The following EPHA6 variants were observed in gnomAD, a reference collection of about 807,000 sequenced individuals.
The protein encoded by EPHA6 is ephrin type-A receptor 6.
Under a neutral mutation model 112.0 loss-of-function variants are expected in EPHA6, and 50 were observed. The observed-to-expected ratio is 0.45, with a 90% CI of 0.36 to 0.56. EPHA6 has a LOEUF of 0.56. Among genes scored for constraint, EPHA6 ranks in the 20% least tolerant of loss-of-function variants. EPHA6 has a pLI of 0.00. For synonymous variants in EPHA6, 529 were observed against 490.7 expected (o/e 1.08, Z -1.03); for missense variants, 1,280 against 1,417.4 (o/e 0.90, Z 1.56).
chr3:97,626,342 G>A (rs1403351429), intron 13 of EPHA6, among the ~76,000 whole-genome samples: 1 of 151,802 alleles, frequency 6.6e-6, no homozygotes, highest in African/African-American at 2.4e-5. Flanking sequence ...AGCTGATGCT[G>A]AAGAACATAA....
chr3:97,556,865 C>T (rs542246091), intron 11 of EPHA6, among the ~76,000 whole-genome samples: 26 of 152,006 alleles, frequency 1.7e-4, no homozygotes, highest in African/African-American at 2.9e-4. Context: ...TTAAATAAAA[C>T]GATTATTTCT....
At chr3:97,219,410 C>T (rs977616852) in intron 3 of EPHA6, among the ~76,000 whole-genome samples, 1 of 152,144 alleles carries the variant, frequency 6.6e-6, no homozygotes, top group African/African-American at 2.4e-5. Flanking sequence ...TCCATACATC[C>T]TCTGAAATCT....
chr3:96,881,346 G>A (rs981277194), intron 2 of EPHA6, among the ~76,000 whole-genome samples: 5 of 152,170 alleles, frequency 3.3e-5, no homozygotes, highest in African/African-American at 1.2e-4. Flanking sequence ...TCACATTCAT[G>A]GTGGAAGATG....
At chr3:96,852,779 G>T (rs1169872076) in intron 1 of EPHA6, among the ~76,000 whole-genome samples, 1 of 152,004 alleles carries the variant, frequency 6.6e-6, no homozygotes, top group Admixed American at 6.6e-5. Flanking sequence ...GCATCTGTTG[G>T]TGTTTCTCAC....
intron 1 of EPHA6, among the ~76,000 whole-genome samples, chr3:96,827,685 C>A (rs1228519322): frequency 1.5e-4 from 23 of 152,084 alleles, no homozygotes; most frequent in Admixed American, 1.5e-3. Context: ...GGATTTTCAT[C>A]TCAGCCTTAT....
intron 14 of EPHA6, among the ~76,000 whole-genome samples, chr3:97,663,628 T>C (rs2094185264): frequency 6.6e-6 from 1 of 152,116 alleles, no homozygotes; most frequent in Admixed American, 6.5e-5. Context: ...AATGATGGTT[T>C]CCAGCTTCAT....
At chr3:97,107,182 A>C (rs1209592416) in intron 3 of EPHA6, among the ~76,000 whole-genome samples, 1 of 152,236 alleles carries the variant, frequency 6.6e-6, no homozygotes, top group Non-Finnish European at 1.5e-5. Flanking sequence ...AATGTAATTT[A>C]CTTTGTAATT....
At chr3:97,595,038 AAT>A (rs2093575919) in intron 12 of EPHA6, among the ~76,000 whole-genome samples, 1 of 152,184 alleles carries the variant, frequency 6.6e-6, no homozygotes, top group South Asian at 2.1e-4. Context: ...TCTTATATAT[AAT>A]AGTTTGTGCT....
intron 5 of EPHA6, among the ~76,000 whole-genome samples, chr3:97,312,900 C>T (rs1041365438): frequency 6.6e-6 from 1 of 151,412 alleles, no homozygotes. Flanking sequence ...ATCTCACCAA[C>T]TTATTTCCTT....
rs148697313 is a variant in EPHA6 at position 97,510,799 on chromosome 3, T to C, written c.2201-21559T>C. 6.5e-3 allele frequency among the ~76,000 whole-genome samples: 994 copies of C among 152,308 alleles called. 12 individuals are homozygous for C. Among genetic ancestry groups the C allele is most frequent in the African/African-American group, 0.022 (915 of 41,578 alleles). Reference sequence around the variant, plus strand: ...AAGCTGCACCCATAGCTGCCCCTTCTCCCAGGTGCTCTGTCCCAGGGAGAT... The same window carrying C: ...AAGCTGCACCCATAGCTGCCCCTTCCCCCAGGTGCTCTGTCCCAGGGAGAT... On this transcript the variant is annotated intron_variant, in intron 10 of 17. Coordinates refer to ENST00000389672, the MANE Select transcript of EPHA6 (RefSeq NM_001080448.3).
rs576161007 is a variant in EPHA6, at chr3:97,657,175, C to A, written c.2784+19093C>A. Among the ~76,000 whole-genome samples the A allele has an allele frequency of 4.0e-5, 6 of 151,792 alleles. No homozygotes were observed. In the East Asian group the frequency reaches 1.2e-3, roughly 30 times the overall value. ...TAAAAGTAAACTTTTTAAGAGAAGT[C>A]AACATTTTAAATTTGTGTTTATAGC... On this transcript the variant is annotated intron_variant, in intron 14 of 17. Coordinates refer to ENST00000389672, the MANE Select transcript of EPHA6 (RefSeq NM_001080448.3).
intron 2 of EPHA6, among the ~76,000 whole-genome samples, chr3:96,880,127 A>G (rs550615240): frequency 3.0e-4 from 45 of 152,184 alleles, no homozygotes; most frequent in Non-Finnish European, 5.6e-4. Flanking sequence ...AAAAATAACT[A>G]TAAGAGAGAA....
At chr3:97,677,684 G>A (rs2031513073) in intron 14 of EPHA6, among the ~76,000 whole-genome samples, 2 of 142,222 alleles carry the variant, frequency 1.4e-5, no homozygotes, top group African/African-American at 2.6e-5. Context: ...CTGCGCCATT[G>A]CACTCCAGCC....
chr3:97,311,666 C>T (rs1034757797), intron 5 of EPHA6, among the ~76,000 whole-genome samples: 1 of 151,532 alleles, frequency 6.6e-6, no homozygotes, highest in South Asian at 2.1e-4. Context: ...CATTCAATAC[C>T]ACACTGACTT....
chr3:97,041,328 C>T (rs907519290), intron 3 of EPHA6, among the ~76,000 whole-genome samples: 1 of 151,992 alleles, frequency 6.6e-6, no homozygotes, highest in Non-Finnish European at 1.5e-5. Context: ...CAGTCCTTGT[C>T]CCTCTGATTT....
chr3:97,226,394 AG>A lies in EPHA6; in HGVS notation c.1246del (p.Asp416ThrfsTer46). 1.9e-6 allele frequency: 3 copies of A among 1,613,510 alleles called. No homozygotes were observed. Among genetic ancestry groups the A allele is most frequent in the Non-Finnish European group, 2.5e-6 (3 of 1,179,630 alleles). ...AAAAGGGTTATTTCCGAGCTGAAAA[AG>A]ACCCACCTTCTATGGCATGTACCAG... Reference protein sequence around the residue: ...CEKGYFRAEKDPPSMACTRPP... With the variant: ...CEKGYFRAEKXPPSMACTRPP... On this transcript the variant is annotated frameshift_variant, in exon 4 of 18. Transcript: ENST00000389672. LOFTEE classifies it high-confidence loss of function.
intron 3 of EPHA6, among the ~76,000 whole-genome samples, chr3:97,096,273 ACC>A (rs949979605): frequency 1.4e-5 from 2 of 140,072 alleles, no homozygotes; most frequent in African/African-American, 6.0e-5. Flanking sequence ...ACACATACAC[ACC>A]CACACACACA....
chr3:96,968,100 C>T (rs931443110), intron 2 of EPHA6, among the ~76,000 whole-genome samples: 1 of 151,132 alleles, frequency 6.6e-6, no homozygotes. Context: ...TCTATTTTAT[C>T]GGGTGTATAT....
intron 7 of EPHA6, among the ~76,000 whole-genome samples, chr3:97,470,940 T>C (rs922830212): frequency 4.6e-5 from 7 of 151,732 alleles, no homozygotes; most frequent in Non-Finnish European, 8.9e-5. Context: ...AGAGTGGTTC[T>C]TTTTAGGGAC....
Sources: gnomAD v4.1 joint callset for allele counts (sites outside exome capture counted in the v4.1 genomes callset) on GRCh38, gnomAD v4.1.1 for gene constraint, MANE v1.5 for transcripts, NCBI Gene and HGNC (gene_info 2026-07-23, HGNC 2026-07-21) for gene names.